ADCYAP1R1: variants seen among roughly 807,000 people sequenced by gnomAD.
ADCYAP1R1 encodes the protein ADCYAP receptor type I, also known as pituitary adenylate cyclase-activating polypeptide type I receptor.
In ADCYAP1R1, 44 loss-of-function variants were observed where a neutral mutation model predicts 67.6. That is an observed-to-expected ratio of 0.65 (90% CI 0.51 to 0.84). The LOEUF is 0.84. ADCYAP1R1 is among the 40% of genes least tolerant of loss of function. The probability of loss-of-function intolerance (pLI) is 0.00; values close to 1 mark genes in which losing one functional copy is unlikely to be tolerated. For synonymous variants in ADCYAP1R1, 222 were observed against 219.6 expected (o/e 1.01, Z -0.10); for missense variants, 477 against 587.9 (o/e 0.81, Z 1.95).
At chr7:31,076,920 A>G (rs2128624706) in intron 3 of ADCYAP1R1, among the ~76,000 whole-genome samples, 1 of 152,184 alleles carries the variant, frequency 6.6e-6, no homozygotes, top group East Asian at 1.9e-4. Flanking sequence ...GCATCTCAGC[A>G]TCTCATTCCT....
intron 12 of ADCYAP1R1, among the ~76,000 whole-genome samples, chr7:31,091,231 T>C (rs1019613094): frequency 3.3e-5 from 5 of 152,252 alleles, no homozygotes; most frequent in African/African-American, 1.2e-4. Flanking sequence ...TAGAGAAGTA[T>C]CCATTTATAT....
chr7:31,103,309 A>G lies in ADCYAP1R1; in HGVS notation c.1119A>G (p.Pro373=), dbSNP rs560231209. 2.5e-6 allele frequency: 4 copies of G among 1,614,170 alleles called. No homozygotes were observed. The highest frequency in any genetic ancestry group is 1.7e-5 in the Admixed American group (1 of 60,032). Residue 373 remains proline, a synonymous_variant, in exon 14 of 16, where the codon CCA becomes CCG. Transcript: ENST00000304166. Reference sequence around the variant, plus strand: ...ACTACACAGTATTTGCCTTCTCCCCAGAGAATGTCAGCAAAAGGGAAAGAC... The same window carrying G: ...ACTACACAGTATTTGCCTTCTCCCCGGAGAATGTCAGCAAAAGGGAAAGAC... ...GIHYTVFAFS[P]ENVSKRERLV... is the part of the protein sequence containing the mutation.
chr7:31,059,964 G>C (rs1794426106), intron 1 of ADCYAP1R1, among the ~76,000 whole-genome samples: 1 of 152,104 alleles, frequency 6.6e-6, no homozygotes, highest in South Asian at 2.1e-4. Flanking sequence ...GGGACCAAGA[G>C]AAGGTAACAG....
At chr7:31,078,661 C>T (rs940792295) in intron 4 of ADCYAP1R1, among the ~76,000 whole-genome samples, 20 of 152,200 alleles carry the variant, frequency 1.3e-4, no homozygotes, top group Non-Finnish European at 2.5e-4. Flanking sequence ...GCCACTTAGA[C>T]GCAGGCACAA....
intron 8 of ADCYAP1R1, among the ~76,000 whole-genome samples, chr7:31,085,091 G>T (rs1214005989): frequency 2.6e-5 from 4 of 152,238 alleles, no homozygotes. Context: ...AAAGACAGAG[G>T]CCACAGGAGG....
At chr7:31,093,552 AT>A (rs770323021) in intron 13 of ADCYAP1R1, among the ~76,000 whole-genome samples, 22 of 152,002 alleles carry the variant, frequency 1.4e-4, no homozygotes, top group Non-Finnish European at 2.9e-4. Flanking sequence ...TGTGTGGGGT[AT>A]GAGGACATTT....
At chr7:31,075,727 G>A (rs532241102) in intron 3 of ADCYAP1R1, among the ~76,000 whole-genome samples, 1 of 152,282 alleles carries the variant, frequency 6.6e-6, no homozygotes, top group South Asian at 2.1e-4. Context: ...GAAAGCATGG[G>A]ATTGTTGGTG....
intron 4 of ADCYAP1R1, among the ~76,000 whole-genome samples, chr7:31,079,385 C>T (rs1044085094): frequency 9.2e-5 from 14 of 152,250 alleles, no homozygotes; most frequent in South Asian, 6.2e-4. Flanking sequence ...AAGCCATGGG[C>T]GGGGGCTCCC....
At chr7:31,082,993 C>T (rs1227375583) in intron 6 of ADCYAP1R1, among the ~76,000 whole-genome samples, 1 of 152,270 alleles carries the variant, frequency 6.6e-6, no homozygotes, top group African/African-American at 2.4e-5. Context: ...AGAGGCTGAC[C>T]TGCTGCCCTC....
chr7:31,080,247 C>T (rs1240207719), intron 4 of ADCYAP1R1, among the ~76,000 whole-genome samples: 2 of 152,174 alleles, frequency 1.3e-5, no homozygotes, highest in Non-Finnish European at 2.9e-5. Context: ...GTTCACAAAA[C>T]TTGATTGGTG....
At position 31,072,432 on chromosome 7, in the gene ADCYAP1R1, T is replaced by C. The variant is rs576383608; in HGVS notation, c.158-5559T>C. On this transcript the variant is annotated intron_variant, in intron 3 of 15. Coordinates refer to ENST00000304166, the MANE Select transcript of ADCYAP1R1 (RefSeq NM_001118.5). ...GTGATGTGGGTGAACACTAACCGTC[T>C]TTTGCAGACTTGCCAGCCAGGTCCA... Among the ~76,000 whole-genome samples, 47 of 152,320 alleles carry C rather than the reference T, an allele frequency of 3.1e-4. No individual in the cohort carries two copies. The South Asian group carries it at 9.3e-3, about 30-fold the overall frequency.
Position 31,103,429 on chromosome 7 carries a change from A to C in ADCYAP1R1, c.1176+63A>C. On this transcript the variant is annotated intron_variant, in intron 14 of 15. Transcript: ENST00000304166. Reference sequence around the variant, plus strand: ...AGCCAGGGCCTGGTTGCTCACCTGCAAGTGGTGCTGGAGCCTCTTTAATCT... The same window carrying C: ...AGCCAGGGCCTGGTTGCTCACCTGCCAGTGGTGCTGGAGCCTCTTTAATCT... 3.1e-6 allele frequency: 5 copies of C among 1,609,248 alleles called. No homozygotes were observed. The Admixed American group carries it at 6.7e-5, about 22-fold the overall frequency.
At chr7:31,077,359 T>A (rs1337055063) in intron 3 of ADCYAP1R1, among the ~76,000 whole-genome samples, 1 of 151,002 alleles carries the variant, frequency 6.6e-6, no homozygotes, top group African/African-American at 2.4e-5. Flanking sequence ...GGTGTGTGTG[T>A]GATGTGTATG....
chr7:31,104,333 T>C (rs1015719394), intron 14 of ADCYAP1R1, among the ~76,000 whole-genome samples: 1 of 152,154 alleles, frequency 6.6e-6, no homozygotes, highest in African/African-American at 2.4e-5. Flanking sequence ...GCTTTTTTGG[T>C]GTGGATTTAA....
At position 31,087,637 on chromosome 7, in the gene ADCYAP1R1, A is replaced by T. The variant is rs1289539156; in HGVS notation, c.895A>T (p.Met299Leu). 1 of 1,614,052 alleles carries T rather than the reference A, an allele frequency of 6.2e-7. No individual in the cohort carries two copies. The highest frequency in any genetic ancestry group is 1.7e-5 in the Admixed American group (1 of 60,014). Residue 299 changes from methionine (M) to leucine (L), a missense_variant, in exon 12 of 16, where the codon ATG (methionine) becomes TTG (leucine). Coordinates refer to ENST00000304166, the MANE Select transcript of ADCYAP1R1 (RefSeq NM_001118.5). The stretch of plus-strand genomic sequence containing the variant: ...CTGTCCATCTTTCAGCTGCTGGGAT[A>T]TGAATGACAGCACAGCTCTGTGGTG... ...LYFDDTGCWD[M>L]NDSTALWWVI... is the part of the protein sequence containing the mutation.
intron 3 of ADCYAP1R1, among the ~76,000 whole-genome samples, chr7:31,072,121 C>T (rs1795018043): frequency 6.6e-6 from 1 of 151,870 alleles, no homozygotes; most frequent in African/African-American, 2.4e-5. Context: ...GACTCTGCAG[C>T]AGTAACAAAT....
At chr7:31,067,592 A>G (rs1029119054) in intron 3 of ADCYAP1R1, among the ~76,000 whole-genome samples, 1 of 152,188 alleles carries the variant, frequency 6.6e-6, no homozygotes, top group Non-Finnish European at 1.5e-5. Flanking sequence ...TACTTTGCTT[A>G]AGGACATAGT....
intron 1 of ADCYAP1R1, among the ~76,000 whole-genome samples, chr7:31,057,791 G>A (rs1429648669): frequency 2.0e-5 from 3 of 152,204 alleles, no homozygotes; most frequent in African/African-American, 7.2e-5. Context: ...GGAGGAAGTA[G>A]GGGCGGTCCA....
At position 31,064,877 on chromosome 7, in the gene ADCYAP1R1, T is replaced by A; in HGVS notation, c.98T>A (p.Met33Lys). Residue 33 changes from methionine to lysine, a missense_variant, in exon 3 of 16, where the codon ATG becomes AAG. Coordinates refer to ENST00000304166, the MANE Select transcript of ADCYAP1R1 (RefSeq NM_001118.5). ...TGCATCTTCAAGAAGGAGCAAGCCA[T>A]GTGCCTGGAGAAGATCCAGAGGGCC... is the stretch of plus-strand genomic sequence containing the variant. Reference protein sequence around the residue: ...SDCIFKKEQAMCLEKIQRANE... With the variant: ...SDCIFKKEQAKCLEKIQRANE... 2 of 1,613,032 alleles carry A rather than the reference T, an allele frequency of 1.2e-6. No individual in the cohort carries two copies. Among genetic ancestry groups the A allele is most frequent in the Non-Finnish European group, 1.7e-6 (2 of 1,179,582 alleles).
Sources: allele counts gnomAD v4.1 joint callset (sites outside exome capture counted in the v4.1 genomes callset), GRCh38; gene constraint gnomAD v4.1.1; transcripts MANE v1.5; gene names NCBI Gene and HGNC (gene_info 2026-07-23, HGNC 2026-07-21).